Variants in C8orf34 observed in about 807,000 individuals in gnomAD.
C8orf34 encodes uncharacterized protein C8orf34.
In C8orf34, 65 loss-of-function variants were observed where a neutral mutation model predicts 68.3. The observed-to-expected ratio is 0.95, with a 90% confidence interval of 0.78 to 1.17. The LOEUF (loss-of-function observed/expected upper bound fraction) is 1.17. C8orf34 is among the 50% of genes most tolerant of loss of function. The pLI is 0.00. For missense variants in C8orf34, 664 were observed against 655.4 expected (o/e 1.01, Z -0.14); for synonymous variants, 244 against 241.2 (o/e 1.01, Z -0.11).
chr8:68,340,549 GATGACTCT>G (rs1216283659), intron 1 of C8orf34, among the ~76,000 whole-genome samples: 1 of 152,088 alleles, frequency 6.6e-6, no homozygotes, highest in Admixed American at 6.5e-5. Context: ...AAATACTAGG[GATGACTCT>G]ATGCACATAA....
At chr8:68,523,262 G>T (rs767356744) in intron 6 of C8orf34, among the ~76,000 whole-genome samples, 19 of 151,896 alleles carry the variant, frequency 1.3e-4, no homozygotes, top group Non-Finnish European at 2.2e-4. Context: ...TTTATTCATT[G>T]GTAGATCTTT....
At chr8:68,761,847 C>T (rs189681780) in intron 10 of C8orf34, among the ~76,000 whole-genome samples, 73 of 152,242 alleles carry the variant, frequency 4.8e-4, no homozygotes, top group African/African-American at 1.7e-3. Flanking sequence ...TTCTTTAACA[C>T]TACAGTGTGG....
At chr8:68,660,587 G>A (rs929120321) in intron 8 of C8orf34, among the ~76,000 whole-genome samples, 2 of 152,198 alleles carry the variant, frequency 1.3e-5, no homozygotes, top group Non-Finnish European at 2.9e-5. Flanking sequence ...GCAGAAATTA[G>A]TCATGCTCAC....
At chr8:68,512,884 C>T (rs552562702) in intron 5 of C8orf34, among the ~76,000 whole-genome samples, 2 of 151,422 alleles carry the variant, frequency 1.3e-5, no homozygotes, top group South Asian at 4.2e-4. Flanking sequence ...ATAATTGTAA[C>T]TCCTAGCAAT....
chr8:68,692,880 A>G (rs1446099554), intron 8 of C8orf34, among the ~76,000 whole-genome samples: 1 of 152,076 alleles, frequency 6.6e-6, no homozygotes, highest in Non-Finnish European at 1.5e-5. Context: ...AGTGGGTTTT[A>G]GGGAGAAATT....
intron 12 of C8orf34, among the ~76,000 whole-genome samples, chr8:68,810,770 G>A (rs1172559977): frequency 1.3e-5 from 2 of 152,098 alleles, no homozygotes; most frequent in Admixed American, 6.5e-5. Context: ...TCTCGCCTGA[G>A]AGGAGACCCA....
At chr8:68,741,880 A>C (rs1822305516) in intron 10 of C8orf34, among the ~76,000 whole-genome samples, 1 of 152,126 alleles carries the variant, frequency 6.6e-6, no homozygotes, top group Non-Finnish European at 1.5e-5. Context: ...CTGTTGATTG[A>C]CATTTAGGTT....
At chr8:68,780,110 C>T (rs1047718615) in intron 11 of C8orf34, among the ~76,000 whole-genome samples, 3 of 152,144 alleles carry the variant, frequency 2.0e-5, no homozygotes, top group Non-Finnish European at 4.4e-5. Context: ...CAAATTTAAT[C>T]ACTATCCATA....
At chr8:68,814,742 C>A (rs557293308) in intron 12 of C8orf34, among the ~76,000 whole-genome samples, 32 of 152,164 alleles carry the variant, frequency 2.1e-4, no homozygotes, top group African/African-American at 7.5e-4. Context: ...AAAATCCATG[C>A]TTTTTTTCCA....
At chr8:68,409,190 T>C (rs1354483972) in intron 1 of C8orf34, among the ~76,000 whole-genome samples, 8 of 152,250 alleles carry the variant, frequency 5.3e-5, no homozygotes, top group Non-Finnish European at 4.4e-5. Flanking sequence ...GTATTTTCTA[T>C]ATTTGAATAA....
chr8:68,571,336 A>G (rs2130266704), intron 7 of C8orf34, among the ~76,000 whole-genome samples: 1 of 152,292 alleles, frequency 6.6e-6, no homozygotes, highest in East Asian at 1.9e-4. Context: ...GTAAATCCCC[A>G]GAAGGAAATT....
chr8:68,443,398 CT>C lies in C8orf34; in HGVS notation c.476-2928del, dbSNP rs965970571. On this transcript the variant is annotated intron_variant, in intron 2 of 13. Coordinates refer to ENST00000518698, the MANE Select transcript of C8orf34 (RefSeq NM_052958.4). The stretch of plus-strand genomic sequence containing the variant: ...AATTCTTGATTTTGGTGAATCTTTT[CT>C]TTGTTTTTGTTTTTGAGATGGAGTC... Among the ~76,000 whole-genome samples the C allele has an allele frequency of 6.2e-4, 94 of 152,018 alleles. 1 individual carries two copies. The highest frequency in any genetic ancestry group is 2.1e-3 in the African/African-American group (88 of 41,476).
intron 1 of C8orf34, among the ~76,000 whole-genome samples, chr8:68,384,392 T>G (rs1424656203): frequency 1.3e-5 from 2 of 152,226 alleles, no homozygotes; most frequent in African/African-American, 4.8e-5. Context: ...ATGTTTGGAA[T>G]GCAGGGCAGT....
chr8:68,705,959 G>A (rs1203740870), intron 8 of C8orf34, among the ~76,000 whole-genome samples: 1 of 152,198 alleles, frequency 6.6e-6, no homozygotes, highest in African/African-American at 2.4e-5. Flanking sequence ...TACAGATTAG[G>A]GTGAAAATAA....
At chr8:68,755,415 A>G (rs932937630) in intron 10 of C8orf34, among the ~76,000 whole-genome samples, 1 of 152,246 alleles carries the variant, frequency 6.6e-6, no homozygotes, top group African/African-American at 2.4e-5. Context: ...CCTTTTATAT[A>G]TGGAAAATTT....
At chr8:68,618,121 C>A (rs1366652564) in intron 7 of C8orf34, among the ~76,000 whole-genome samples, 4 of 151,936 alleles carry the variant, frequency 2.6e-5, no homozygotes, top group Non-Finnish European at 5.9e-5. Context: ...AAATGGATAT[C>A]AATTTTCTTA....
chr8:68,413,677 ACT>A (rs1282341064), intron 1 of C8orf34, among the ~76,000 whole-genome samples: 1 of 151,968 alleles, frequency 6.6e-6, no homozygotes, highest in Non-Finnish European at 1.5e-5. Context: ...GCTTTTATTG[ACT>A]CTTTCCCCAG....
At chr8:68,460,637 A>G (rs1282502547) in intron 3 of C8orf34, among the ~76,000 whole-genome samples, 1 of 152,174 alleles carries the variant, frequency 6.6e-6, no homozygotes, top group Non-Finnish European at 1.5e-5. Context: ...CAGTTCATGA[A>G]AATCCGCTGT....
chr8:68,613,775 C>G (rs200270330), intron 7 of C8orf34, among the ~76,000 whole-genome samples: 7 of 150,926 alleles, frequency 4.6e-5, no homozygotes, highest in African/African-American at 7.3e-5. Context: ...TTTATAGCAG[C>G]ATGATTTATA....
Sources: gnomAD v4.1 joint callset for allele counts (sites outside exome capture counted in the v4.1 genomes callset) on GRCh38, gnomAD v4.1.1 for gene constraint, MANE v1.5 for transcripts, NCBI Gene and HGNC (gene_info 2026-07-23, HGNC 2026-07-21) for gene names.